Variants in SGK1 observed in about 807,000 individuals in gnomAD.
The protein encoded by SGK1 is serum/glucocorticoid regulated kinase 1, also known as serine/threonine-protein kinase Sgk1.
A neutral mutation model predicts 64.2 loss-of-function variants in SGK1; 26 were observed. The ratio of observed to expected loss-of-function variants is 0.40; its 90% confidence interval spans 0.30 to 0.56. The LOEUF (loss-of-function observed/expected upper bound fraction) is 0.56, where lower values mean the gene tolerates loss of function less well. SGK1 is among the 20% of genes least tolerant of loss of function. SGK1 has a pLI of 0.38. For synonymous variants in SGK1, 265 were observed against 239.7 expected (o/e 1.11, Z -0.98); for missense variants, 519 against 645.6 (o/e 0.80, Z 2.12).
At chr6:134,293,310 A>AT (rs1777294795) in intron 1 of SGK1, among the ~76,000 whole-genome samples, 1 of 152,230 alleles carries the variant, frequency 6.6e-6, no homozygotes, top group African/African-American at 2.4e-5. Flanking sequence ...TTGCTGGTCA[A>AT]TGTCCCCAAA....
At chr6:134,205,225 C>CTGTA (rs1006645161) in intron 3 of SGK1, among the ~76,000 whole-genome samples, 3 of 152,210 alleles carry the variant, frequency 2.0e-5, no homozygotes, top group Admixed American at 6.6e-5. Flanking sequence ...AACACATGTG[C>CTGTA]TGTAGATCTT....
At chr6:134,225,744 T>C (rs1776165092) in intron 2 of SGK1, among the ~76,000 whole-genome samples, 1 of 151,998 alleles carries the variant, frequency 6.6e-6, no homozygotes, top group Admixed American at 6.6e-5. Context: ...TCCAGTCTTT[T>C]ATTCCTGCTT....
At chr6:134,212,809 A>G (rs927435326) in intron 2 of SGK1, among the ~76,000 whole-genome samples, 2 of 152,208 alleles carry the variant, frequency 1.3e-5, no homozygotes, top group Non-Finnish European at 2.9e-5. Flanking sequence ...TACAGTAACT[A>G]TATACCTATT....
rs62627406 is a variant in SGK1, at chr6:134,169,817, A to AC, written c.*450dup. 2,247 of 153,418 alleles carry AC rather than the reference A, an allele frequency of 0.015. 26 individuals carry two copies. The highest frequency in any genetic ancestry group is 0.026 in the Non-Finnish European group (1,756 of 68,520). The allele number at this position is 153,418 out of a possible 1,614,324, so 9.5% of individuals were successfully genotyped here. A position where few individuals can be genotyped will look rare whatever the true frequency, so the allele number is the denominator to read the frequency against. On this transcript the variant is annotated 3_prime_UTR_variant, in exon 14 of 14. Coordinates refer to ENST00000367858, the MANE Select transcript of SGK1 (RefSeq NM_001143676.3). ...CTGTGATCAGGCATACCACACTCAC[A>AC]CGACGGTTCACACAGCATATCCACA...
At chr6:134,296,644 T>C (rs1303473279) in intron 1 of SGK1, among the ~76,000 whole-genome samples, 1 of 152,090 alleles carries the variant, frequency 6.6e-6, no homozygotes, top group Non-Finnish European at 1.5e-5. Context: ...ATTAAGTGTT[T>C]TGGAAATGCT....
intron 3 of SGK1, among the ~76,000 whole-genome samples, chr6:134,206,340 T>G (rs568742987): frequency 6.2e-4 from 10 of 16,224 alleles, no homozygotes; most frequent in South Asian, 2.6e-3. Flanking sequence ...TACCTGATGA[T>G]ATATATATAT....
At chr6:134,253,640 G>A (rs577524396) in intron 2 of SGK1, among the ~76,000 whole-genome samples, 2 of 152,238 alleles carry the variant, frequency 1.3e-5, no homozygotes, top group East Asian at 3.9e-4. Context: ...GCAACAGAGT[G>A]AGACCTTGTC....
chr6:134,196,813 T>G (rs1158674661), intron 3 of SGK1, among the ~76,000 whole-genome samples: 4 of 152,262 alleles, frequency 2.6e-5, no homozygotes, highest in Non-Finnish European at 5.9e-5. Context: ...TTCTGATGGA[T>G]TAAGTCTTCA....
At chr6:134,284,807 G>A (rs1456195073) in intron 1 of SGK1, among the ~76,000 whole-genome samples, 1 of 152,040 alleles carries the variant, frequency 6.6e-6, no homozygotes, top group Non-Finnish European at 1.5e-5. Flanking sequence ...CCATTCCCGA[G>A]TTATTTCACT....
chr6:134,173,622 T>C, intron 5 of SGK1, 56 bp from the exon 6 acceptor site: 3 of 1,196,986 alleles, frequency 2.5e-6, no homozygotes, highest in Middle Eastern at 2.0e-4. Flanking sequence ...GGAAGACATC[T>C]ATAACATAAA....
chr6:134,193,582 T>G (rs893220775), intron 3 of SGK1, among the ~76,000 whole-genome samples: 3 of 151,204 alleles, frequency 2.0e-5, no homozygotes, highest in Admixed American at 2.0e-4. Flanking sequence ...GTTGTTTTTC[T>G]TCTTTGTTCT....
At chr6:134,219,007 G>A (rs1776035871) in intron 2 of SGK1, among the ~76,000 whole-genome samples, 1 of 151,914 alleles carries the variant, frequency 6.6e-6, no homozygotes, top group African/African-American at 2.4e-5. Context: ...TTTTGTGACA[G>A]AGTCTTGCTC....
intron 3 of SGK1, among the ~76,000 whole-genome samples, chr6:134,202,932 G>T (rs954123270): frequency 2.6e-5 from 4 of 152,124 alleles, no homozygotes; most frequent in South Asian, 2.1e-4. Context: ...TTTGACGATG[G>T]TCTATGAAAA....
At chr6:134,288,262 CAAGTTTTT>C (rs1445777251) in intron 1 of SGK1, among the ~76,000 whole-genome samples, 44 of 152,258 alleles carry the variant, frequency 2.9e-4, no homozygotes, top group Non-Finnish European at 1.2e-4. Context: ...AGCAATCTGA[CAAGTTTTT>C]AAGTGGAGTC....
intron 2 of SGK1, among the ~76,000 whole-genome samples, chr6:134,232,011 C>T (rs1234710309): frequency 6.7e-6 from 1 of 149,338 alleles, no homozygotes; most frequent in Non-Finnish European, 1.5e-5. Flanking sequence ...TGCACTCCAG[C>T]CTGGGTGACA....
chr6:134,279,845 A>G (rs1219792991), intron 1 of SGK1, among the ~76,000 whole-genome samples: 1 of 152,184 alleles, frequency 6.6e-6, no homozygotes, highest in Non-Finnish European at 1.5e-5. Flanking sequence ...GCACTATATT[A>G]CAGTCTGGTT....
chr6:134,280,408 G>A (rs531923714), intron 1 of SGK1, among the ~76,000 whole-genome samples: 229 of 152,088 alleles, frequency 1.5e-3, no homozygotes, highest in Non-Finnish European at 2.7e-3. Flanking sequence ...TAGATGCTTT[G>A]TGGTGGTAAT....
chr6:134,252,616 C>CAAAAAAAAAAAAAAAAAAAAAAA lies in SGK1; in HGVS notation c.285+9294_285+9316dup, dbSNP rs11418007. 3.0e-5 allele frequency among the ~76,000 whole-genome samples: 2 copies of CAAAAAAAAAAAAAAAAAAAAAAA among 66,000 alleles called. 1 individual carries two copies. Among genetic ancestry groups the CAAAAAAAAAAAAAAAAAAAAAAA allele is most frequent in the Non-Finnish European group, 5.0e-5 (2 of 39,826 alleles). The allele number at this position is 66,000 out of a possible 152,430, so 43.3% of individuals were successfully genotyped here. A position where few individuals can be genotyped will look rare whatever the true frequency, so the allele number is the denominator to read the frequency against. On this transcript the variant is annotated intron_variant, in intron 2 of 13. Coordinates refer to ENST00000367858, the MANE Select transcript of SGK1 (RefSeq NM_001143676.3). ...TGGGCAACAGAGTGAGATTCCACCT[C>CAAAAAAAAAAAAAAAAAAAAAAA]AAAAAAAAAAAAAAAAAAAAAAAAG...
intron 1 of SGK1, among the ~76,000 whole-genome samples, chr6:134,314,963 T>TG (rs1396531661): frequency 3.3e-5 from 5 of 152,290 alleles, no homozygotes. Flanking sequence ...ACAAAGGCAT[T>TG]GTAGTATATG....
Sources: allele counts gnomAD v4.1 joint callset (sites outside exome capture counted in the v4.1 genomes callset), GRCh38; gene constraint gnomAD v4.1.1; transcripts MANE v1.5; gene names NCBI Gene and HGNC (gene_info 2026-07-23, HGNC 2026-07-21).